The following ERC2 variants were observed in gnomAD, a reference collection of about 807,000 sequenced individuals.
ERC2 encodes the protein ELKS/RAB6-interacting/CAST family member 2, also known as ERC protein 2.
ERC2 carries 42 observed loss-of-function variants against 114.8 expected under a neutral mutation model. The observed-to-expected ratio is 0.37, with a 90% CI of 0.29 to 0.47. ERC2 has a LOEUF of 0.47. Ranked by LOEUF, ERC2 falls within the 20% of genes least tolerant of loss-of-function variation. ERC2 has a pLI of 0.99. For missense variants in ERC2, 939 were observed against 1,150.7 expected (o/e 0.82, Z 2.66); for synonymous variants, 454 against 425.5 (o/e 1.07, Z -0.82).
chr3:55,686,087 G>A (rs1325833504), intron 16 of ERC2, among the ~76,000 whole-genome samples: 1 of 152,182 alleles, frequency 6.6e-6, no homozygotes, highest in Non-Finnish European at 1.5e-5. Context: ...AAACAGACAG[G>A]AGTTGTAGTT....
At chr3:55,999,895 G>A (rs1035812502) in intron 10 of ERC2, among the ~76,000 whole-genome samples, 1 of 151,524 alleles carries the variant, frequency 6.6e-6, no homozygotes, top group African/African-American at 2.4e-5. Context: ...TGGAATGATA[G>A]AAAATTAAAG....
chr3:55,742,069 C>T (rs1452406839), intron 14 of ERC2, among the ~76,000 whole-genome samples: 1 of 148,772 alleles, frequency 6.7e-6, no homozygotes, highest in Admixed American at 7.2e-5. Flanking sequence ...TAATAAAACA[C>T]CAAAAAAAAT....
chr3:55,596,283 C>T (rs2058123415), intron 17 of ERC2, among the ~76,000 whole-genome samples: 1 of 152,102 alleles, frequency 6.6e-6, no homozygotes, highest in African/African-American at 2.4e-5. Context: ...TTAAATTCAC[C>T]CATTAAAAGA....
chr3:56,358,191 G>A (rs1328809123), intron 2 of ERC2, among the ~76,000 whole-genome samples: 2 of 152,146 alleles, frequency 1.3e-5, no homozygotes, highest in Non-Finnish European at 2.9e-5. Flanking sequence ...TCTAGAACAT[G>A]AGAACAGAAA....
intron 17 of ERC2, among the ~76,000 whole-genome samples, chr3:55,577,466 G>T (rs897984783): frequency 6.6e-6 from 1 of 152,180 alleles, no homozygotes; most frequent in Admixed American, 6.5e-5. Context: ...TCAGGGCAGG[G>T]TCCCAAATGT....
intron 7 of ERC2, among the ~76,000 whole-genome samples, chr3:56,039,634 T>C (rs543650573): frequency 2.7e-5 from 4 of 147,102 alleles, no homozygotes; most frequent in African/African-American, 7.5e-5. Context: ...TTCACAGAAA[T>C]AGAAAAAAAA....
intron 14 of ERC2, among the ~76,000 whole-genome samples, chr3:55,756,367 G>A (rs764568960): frequency 1.3e-5 from 2 of 152,234 alleles, no homozygotes; most frequent in Non-Finnish European, 2.9e-5. Context: ...TAATACTGAT[G>A]AACTTAGTCT....
chr3:56,224,889 C>T (rs776734744), intron 3 of ERC2, among the ~76,000 whole-genome samples: 3 of 152,214 alleles, frequency 2.0e-5, no homozygotes, highest in Non-Finnish European at 2.9e-5. Flanking sequence ...TGACCACCAA[C>T]ACAATGTTGG....
intron 17 of ERC2, among the ~76,000 whole-genome samples, chr3:55,598,261 C>T (rs374305711): frequency 2.0e-5 from 3 of 152,154 alleles, no homozygotes; most frequent in African/African-American, 7.2e-5. Context: ...ACTGCATTGT[C>T]CAATTAAAGA....
At chr3:56,292,179 T>A (rs1172323146) in intron 3 of ERC2, among the ~76,000 whole-genome samples, 8 of 152,158 alleles carry the variant, frequency 5.3e-5, no homozygotes, top group Non-Finnish European at 8.8e-5. Flanking sequence ...GTGGAATCCC[T>A]CATTTCCCCA....
intron 17 of ERC2, among the ~76,000 whole-genome samples, chr3:55,636,789 C>T (rs956132559): frequency 3.3e-5 from 5 of 152,184 alleles, no homozygotes; most frequent in East Asian, 1.9e-4. Flanking sequence ...GAATCTGGCC[C>T]GCAGCCCTAC....
At chr3:56,125,209 C>A (rs569077201) in intron 6 of ERC2, among the ~76,000 whole-genome samples, 1 of 150,578 alleles carries the variant, frequency 6.6e-6, no homozygotes, top group Non-Finnish European at 1.5e-5. Flanking sequence ...AATCTTCTCT[C>A]TTTCTAAAAT....
chr3:56,182,575 C>T (rs975780658), intron 3 of ERC2, among the ~76,000 whole-genome samples: 4 of 152,158 alleles, frequency 2.6e-5, no homozygotes, highest in Non-Finnish European at 5.9e-5. Context: ...TAGGTATTAT[C>T]ACCATTTTAT....
intron 2 of ERC2, among the ~76,000 whole-genome samples, chr3:56,375,055 T>C (rs2059488912): frequency 6.6e-6 from 1 of 152,154 alleles, no homozygotes; most frequent in Non-Finnish European, 1.5e-5. Context: ...TCCTCAGTGC[T>C]TGCATCAAGG....
At chr3:55,514,631 ATG>A (rs1404393907) in intron 17 of ERC2, among the ~76,000 whole-genome samples, 2 of 152,128 alleles carry the variant, frequency 1.3e-5, no homozygotes, top group Non-Finnish European at 2.9e-5. Flanking sequence ...TTCCTATAGG[ATG>A]TGAGAATGTC....
chr3:55,630,871 AG>A (rs2059726438), intron 17 of ERC2, among the ~76,000 whole-genome samples: 1 of 152,204 alleles, frequency 6.6e-6, no homozygotes, highest in Admixed American at 6.5e-5. Context: ...GCTGTGATCT[AG>A]ATAACACTGG....
intron 10 of ERC2, among the ~76,000 whole-genome samples, chr3:55,996,828 G>T (rs1178715668): frequency 6.6e-6 from 1 of 152,136 alleles, no homozygotes; most frequent in Non-Finnish European, 1.5e-5. Context: ...TTTAGTGAAA[G>T]AATTTATAAC....
At chr3:55,747,048 G>C (rs1219465898) in intron 14 of ERC2, among the ~76,000 whole-genome samples, 1 of 152,002 alleles carries the variant, frequency 6.6e-6, no homozygotes, top group Non-Finnish European at 1.5e-5. Flanking sequence ...TTTTTCTGTA[G>C]TTACATCTCT....
intron 14 of ERC2, among the ~76,000 whole-genome samples, chr3:55,783,258 C>A (rs1196139841): frequency 6.6e-6 from 1 of 152,184 alleles, no homozygotes; most frequent in African/African-American, 2.4e-5. Flanking sequence ...ACTGCCTGGA[C>A]TCAAATGCCA....
Sources: allele counts gnomAD v4.1 joint callset (sites outside exome capture counted in the v4.1 genomes callset), GRCh38; gene constraint gnomAD v4.1.1; transcripts MANE v1.5; gene names NCBI Gene and HGNC (gene_info 2026-07-23, HGNC 2026-07-21).